Variants in ALK observed in about 807,000 individuals in gnomAD.
ALK encodes ALK tyrosine kinase receptor.
Under a neutral mutation model 163.1 loss-of-function variants are expected in ALK, and 74 were observed. The observed-to-expected ratio is 0.45, with a 90% confidence interval of 0.38 to 0.55. ALK has a LOEUF of 0.55. Ranked by LOEUF, ALK falls within the 20% of genes least tolerant of loss-of-function variation. The pLI is 0.00. For synonymous variants in ALK, 960 were observed against 843.2 expected (o/e 1.14, Z -2.40); for missense variants, 2,063 against 2,105.3 (o/e 0.98, Z 0.39).
At chr2:29,720,650 G>T (rs773462198) in intron 1 of ALK, among the ~76,000 whole-genome samples, 6 of 152,178 alleles carry the variant, frequency 3.9e-5, no homozygotes, top group Non-Finnish European at 8.8e-5. Flanking sequence ...GCTAGTCAAA[G>T]TTCACAGAAT....
intron 3 of ALK, among the ~76,000 whole-genome samples, chr2:29,538,465 T>C (rs1390016481): frequency 6.6e-6 from 1 of 152,214 alleles, no homozygotes; most frequent in Non-Finnish European, 1.5e-5. Flanking sequence ...GGCTCCTTGT[T>C]GCCTTCTGTC....
At chr2:29,579,738 G>A (rs1674626231) in intron 3 of ALK, among the ~76,000 whole-genome samples, 1 of 152,174 alleles carries the variant, frequency 6.6e-6, no homozygotes, top group Non-Finnish European at 1.5e-5. Context: ...TGCCGGATAT[G>A]TAGAGGGAAG....
chr2:29,282,824 T>G (rs866686767), intron 9 of ALK, among the ~76,000 whole-genome samples: 18 of 152,160 alleles, frequency 1.2e-4, no homozygotes, highest in African/African-American at 3.6e-4. Context: ...TTCCAGGCAT[T>G]CTGTGCTCAC....
At chr2:29,425,061 C>A (rs1384160241) in intron 4 of ALK, among the ~76,000 whole-genome samples, 1 of 152,120 alleles carries the variant, frequency 6.6e-6, no homozygotes, top group Non-Finnish European at 1.5e-5. Context: ...AGGAGCCCTG[C>A]AGATCTGCTC....
intron 1 of ALK, among the ~76,000 whole-genome samples, chr2:29,762,521 GA>G (rs1262887921): frequency 1.3e-5 from 2 of 152,172 alleles, no homozygotes; most frequent in Admixed American, 6.5e-5. Flanking sequence ...CTGACAAGAG[GA>G]AATCATTATA....
chr2:29,514,629 C>G (rs10209375), intron 4 of ALK, among the ~76,000 whole-genome samples: 28,346 of 152,014 alleles, frequency 0.19, 3,185 homozygotes, highest in East Asian at 0.3. Flanking sequence ...CTCAACATCT[C>G]AAAACTGAAG....
At chr2:29,331,024 C>T (rs745659980) in intron 5 of ALK, among the ~76,000 whole-genome samples, 1 of 152,154 alleles carries the variant, frequency 6.6e-6, no homozygotes, top group Non-Finnish European at 1.5e-5. Context: ...AACACTCCAT[C>T]GAAACCTGAC....
intron 12 of ALK, among the ~76,000 whole-genome samples, chr2:29,242,031 C>G (rs1664538862): frequency 6.6e-6 from 1 of 152,104 alleles, no homozygotes; most frequent in Admixed American, 6.5e-5. Context: ...CCCTCCTGAT[C>G]CATGAGAAAT....
intron 1 of ALK, among the ~76,000 whole-genome samples, chr2:29,888,053 T>G (rs901661445): frequency 4.6e-5 from 7 of 152,160 alleles, no homozygotes; most frequent in Non-Finnish European, 7.4e-5. Flanking sequence ...AAAAGCTAAC[T>G]GTGAGAGGAG....
chr2:29,306,577 T>C (rs896911396), intron 8 of ALK, among the ~76,000 whole-genome samples: 1 of 152,252 alleles, frequency 6.6e-6, no homozygotes, highest in African/African-American at 2.4e-5. Flanking sequence ...AGAAATACTT[T>C]CGTGCTGGAG....
At chr2:29,605,864 G>A (rs1675529207) in intron 3 of ALK, among the ~76,000 whole-genome samples, 4 of 152,094 alleles carry the variant, frequency 2.6e-5, no homozygotes, top group Non-Finnish European at 5.9e-5. Flanking sequence ...ATGGAATGCT[G>A]CCTCCCCACC....
chr2:29,845,373 G>A (rs1196473115), intron 1 of ALK, among the ~76,000 whole-genome samples: 7 of 152,106 alleles, frequency 4.6e-5, no homozygotes, highest in African/African-American at 1.7e-4. Flanking sequence ...AGTAAGCTTG[G>A]GACATGTTGG....
chr2:29,545,611 T>C lies in ALK; in HGVS notation c.953-13495A>G, dbSNP rs1036185550. 5.3e-5 allele frequency among the ~76,000 whole-genome samples: 8 copies of C among 152,178 alleles called. No individual in the cohort carries two copies. The East Asian group carries it at 1.3e-3, about 26-fold the overall frequency. ...TGGCTTCCATAGCAGAGCTGAGCCA[T>C]GTGGGCACTCAGTCCCTGTGCACTT... On this transcript the variant is annotated intron_variant, in intron 3 of 28. Coordinates refer to ENST00000389048, the MANE Select transcript of ALK (RefSeq NM_004304.5).
At chr2:29,796,979 T>C (rs1304499800) in intron 1 of ALK, among the ~76,000 whole-genome samples, 3 of 147,944 alleles carry the variant, frequency 2.0e-5, no homozygotes, top group East Asian at 2.0e-4. Flanking sequence ...CATACATACA[T>C]ACACATATAT....
At chr2:29,698,924 A>T (rs1294766880) in intron 2 of ALK, among the ~76,000 whole-genome samples, 2 of 152,230 alleles carry the variant, frequency 1.3e-5, no homozygotes, top group African/African-American at 4.8e-5. Context: ...AATTTCTTAC[A>T]AAACATGGAG....
At position 29,223,216 on chromosome 2, in the gene ALK, G is replaced by A. The variant is rs1669854128; in HGVS notation, c.3359+126C>T. On this transcript the variant is annotated intron_variant, in intron 20 of 28. Transcript: ENST00000389048. ...AATGTCAAGGCTTGTCCTCCTAGGA[G>A]GGCTAGGGGTGCCCATAGGGAGGGC... 1.3e-5 allele frequency: 12 copies of A among 959,552 alleles called. No homozygotes were observed. The Admixed American group carries it at 2.2e-4, about 17-fold the overall frequency. 59.4% of individuals were successfully genotyped at this position (959,552 alleles called of 1,614,324 possible).
intron 1 of ALK, among the ~76,000 whole-genome samples, chr2:29,795,454 A>G (rs1664284930): frequency 6.6e-6 from 1 of 152,176 alleles, no homozygotes; most frequent in Admixed American, 6.5e-5. Context: ...TTTTTGACCC[A>G]GTAATTTAAC....
At chr2:29,243,222 C>T (rs534748007) in intron 12 of ALK, among the ~76,000 whole-genome samples, 1 of 152,302 alleles carries the variant, frequency 6.6e-6, no homozygotes, top group African/African-American at 2.4e-5. Context: ...ACCTTGCACT[C>T]GACTGACCCC....
intron 1 of ALK, among the ~76,000 whole-genome samples, chr2:29,777,330 T>C (rs1299212711): frequency 1.3e-5 from 2 of 152,130 alleles, no homozygotes; most frequent in African/African-American, 4.8e-5. Flanking sequence ...CTTGAAATCA[T>C]CACCCAGCCT....
Sources: gnomAD v4.1 joint callset for allele counts (sites outside exome capture counted in the v4.1 genomes callset) on GRCh38, gnomAD v4.1.1 for gene constraint, MANE v1.5 for transcripts, NCBI Gene and HGNC (gene_info 2026-07-23, HGNC 2026-07-21) for gene names.